Variants in FREM2 observed in about 807,000 individuals in gnomAD.
FREM2 encodes the protein FRAS1 related extracellular matrix 2.
A neutral mutation model predicts 219.9 loss-of-function variants in FREM2; 119 were observed. That is an observed-to-expected ratio of 0.54 (90% confidence interval 0.47 to 0.63). The LOEUF is 0.63. Among genes scored for constraint, FREM2 ranks in the 30% least tolerant of loss-of-function variants. The pLI, the probability that FREM2 is intolerant of heterozygous loss-of-function variation, is 0.00. For missense variants in FREM2, 4,030 were observed against 3,993.6 expected (o/e 1.01, Z -0.25); for synonymous variants, 1,562 against 1,522.8 (o/e 1.03, Z -0.60).
Position 38,687,084 on chromosome 13 carries a change from G to A in FREM2, c.-261G>A. ...TCCGGGGACCTGGAAAGTAGAAGTGGAGGGATTCAATTCTCCGCGCGATTG... is the reference window on the plus strand; with the variant it reads ...TCCGGGGACCTGGAAAGTAGAAGTGAAGGGATTCAATTCTCCGCGCGATTG... On this transcript the variant is annotated 5_prime_UTR_variant, in exon 1 of 24. Transcript: ENST00000280481. The A allele has an allele frequency of 3.5e-6, 2 of 579,256 alleles. No homozygotes were observed. The highest frequency in any genetic ancestry group is 6.1e-6 in the Non-Finnish European group (2 of 325,638). The allele number at this position is 579,256 out of a possible 1,614,324, so 35.9% of individuals were successfully genotyped here.
chr13:38,828,905 A>C (rs4505188), intron 6 of FREM2, among the ~76,000 whole-genome samples: 37,661 of 152,056 alleles, frequency 0.25, 6,218 homozygotes, highest in African/African-American at 0.46. Flanking sequence ...TAATCACATA[A>C]GTGCTGTAGT....
intron 16 of FREM2, among the ~76,000 whole-genome samples, chr13:38,865,777 G>A (rs1305639574): frequency 6.6e-6 from 1 of 152,200 alleles, no homozygotes; most frequent in East Asian, 1.9e-4. Context: ...TAGAGAAGCA[G>A]TATAAGATGG....
chr13:38,783,853 T>G (rs549927458), intron 5 of FREM2, among the ~76,000 whole-genome samples: 34 of 152,260 alleles, frequency 2.2e-4, no homozygotes, highest in African/African-American at 7.5e-4. Flanking sequence ...TCCCAGCACT[T>G]TGGGAGGCCG....
At chr13:38,722,745 GT>G (rs78258671) in intron 2 of FREM2, among the ~76,000 whole-genome samples, 2,356 of 140,000 alleles carry the variant, frequency 0.017, 35 homozygotes, top group African/African-American at 0.044. Context: ...AGCTGGTAAC[GT>G]TTTTTTTTTT....
intron 2 of FREM2, among the ~76,000 whole-genome samples, chr13:38,734,704 T>A (rs1370704666): frequency 6.7e-6 from 1 of 149,870 alleles, no homozygotes; most frequent in African/African-American, 2.5e-5. Flanking sequence ...TGTTCCTAAA[T>A]GAAAATATTA....
Position 38,714,560 on chromosome 13 carries a change from G to A in FREM2, c.5263+16773G>A, listed in dbSNP as rs1475924230. On this transcript the variant is annotated intron_variant, in intron 2 of 23. Transcript: ENST00000280481. ...GTGACTATGGTTAGTGACATATTTTGTATTCTTAAAGATTACTAAGAGAGT... is the reference window on the plus strand; with the variant it reads ...GTGACTATGGTTAGTGACATATTTTATATTCTTAAAGATTACTAAGAGAGT... Among the ~76,000 whole-genome samples the A allele has an allele frequency of 2.6e-5, 4 of 152,214 alleles. No individual in the cohort carries two copies. The East Asian group carries it at 5.8e-4, about 22-fold the overall frequency.
chr13:38,830,182 C>T (rs995124426), intron 6 of FREM2, among the ~76,000 whole-genome samples: 16 of 151,984 alleles, frequency 1.1e-4, no homozygotes, highest in African/African-American at 1.9e-4. Flanking sequence ...AGATAACAAA[C>T]GAAAGTGAGG....
At chr13:38,864,635 C>A in intron 16 of FREM2, 29 bp downstream of exon 16, 2 of 1,587,066 alleles carry the variant, frequency 1.3e-6, no homozygotes, top group South Asian at 2.2e-5. Flanking sequence ...TGAGTTTGGT[C>A]ACTGGATAAA....
At chr13:38,702,589 C>T (rs1252849922) in intron 2 of FREM2, among the ~76,000 whole-genome samples, 1 of 143,752 alleles carries the variant, frequency 7.0e-6, no homozygotes, top group African/African-American at 2.5e-5. Flanking sequence ...CAGCTTGTTT[C>T]TTGATGGGCT....
intron 2 of FREM2, among the ~76,000 whole-genome samples, chr13:38,733,300 C>T (rs1593372746): frequency 8.9e-6 from 1 of 112,904 alleles, no homozygotes; most frequent in Non-Finnish European, 1.8e-5. Context: ...CCTCTGTTGA[C>T]TTCGGAGCCA....
At chr13:38,840,078 G>A (rs1301132746) in intron 6 of FREM2, among the ~76,000 whole-genome samples, 6 of 152,148 alleles carry the variant, frequency 3.9e-5, no homozygotes, top group Admixed American at 2.6e-4. Context: ...TCAGGGCCCT[G>A]GTGGTATAGG....
chr13:38,865,794 C>A (rs1410537807), intron 16 of FREM2, among the ~76,000 whole-genome samples: 1 of 152,200 alleles, frequency 6.6e-6, no homozygotes, highest in East Asian at 1.9e-4. Context: ...ATGGTGGAAT[C>A]TGGATATTGG....
At chr13:38,788,230 C>T (rs372915425) in intron 6 of FREM2, among the ~76,000 whole-genome samples, 27 of 152,170 alleles carry the variant, frequency 1.8e-4, no homozygotes, top group African/African-American at 6.5e-4. Context: ...TATGACCTAC[C>T]AGAAGGAATT....
chr13:38,795,666 A>G (rs1268556908), intron 6 of FREM2, among the ~76,000 whole-genome samples: 1 of 152,150 alleles, frequency 6.6e-6, no homozygotes, highest in Admixed American at 6.6e-5. Context: ...CAAATCTGCA[A>G]TCAAATATTG....
At chr13:38,741,521 A>G (rs1872248043) in intron 2 of FREM2, among the ~76,000 whole-genome samples, 1 of 152,190 alleles carries the variant, frequency 6.6e-6, no homozygotes, top group Admixed American at 6.5e-5. Flanking sequence ...TCAGCCCTCA[A>G]TTCAGGGTGC....
intron 9 of FREM2, among the ~76,000 whole-genome samples, 183 bp from the exon 10 acceptor site, chr13:38,850,761 A>G (rs567477961): frequency 6.6e-6 from 1 of 152,354 alleles, no homozygotes; most frequent in South Asian, 2.1e-4. Context: ...TGGTCATTGC[A>G]TATACTTAAA....
intron 2 of FREM2, among the ~76,000 whole-genome samples, chr13:38,710,213 A>T (rs886756517): frequency 6.6e-6 from 1 of 151,932 alleles, no homozygotes; most frequent in Non-Finnish European, 1.5e-5. Context: ...AAAAAACACA[A>T]AAAACATCAA....
intron 20 of FREM2, among the ~76,000 whole-genome samples, 199 bp from the exon 21 acceptor site, chr13:38,876,918 T>A (rs1878360037): frequency 6.6e-6 from 1 of 152,166 alleles, no homozygotes; most frequent in Non-Finnish European, 1.5e-5. Flanking sequence ...ATTCAAAAAA[T>A]GACTTGATCC....
intron 2 of FREM2, among the ~76,000 whole-genome samples, chr13:38,745,807 T>G (rs1410767676): frequency 1.3e-5 from 2 of 152,176 alleles, no homozygotes; most frequent in African/African-American, 4.8e-5. Flanking sequence ...GCTGGGTAAT[T>G]ATCACTATTC....
Sources: gnomAD v4.1 joint callset for allele counts (sites outside exome capture counted in the v4.1 genomes callset) on GRCh38, gnomAD v4.1.1 for gene constraint, MANE v1.5 for transcripts, NCBI Gene and HGNC (gene_info 2026-07-23, HGNC 2026-07-21) for gene names.